CPAMD8: variants seen among roughly 807,000 people sequenced by gnomAD.
CPAMD8 encodes C3 and PZP-like alpha-2-macroglobulin domain-containing protein 8.
In CPAMD8, 146 loss-of-function variants were observed where a neutral mutation model predicts 224.7. The ratio of observed to expected loss-of-function variants is 0.65; its 90% CI spans 0.57 to 0.75. The LOEUF is 0.75. Ranked by LOEUF, CPAMD8 falls within the 30% of genes least tolerant of loss-of-function variation. The probability of loss-of-function intolerance (pLI) is 0.00; values close to 1 mark genes in which losing one functional copy is unlikely to be tolerated. For missense variants in CPAMD8, 2,301 were observed against 2,537.5 expected (o/e 0.91, Z 2.00); for synonymous variants, 966 against 1,044.6 (o/e 0.92, Z 1.45).
rs1447458586 is a variant in CPAMD8, at chr19:16,906,366, CTTTCTTTCTTT to C, written c.4027+575_4027+585del. On this transcript the variant is annotated intron_variant, in intron 30 of 41. Transcript: ENST00000443236. ...TCTTTCTTTCTTTCTTTCTTTCTTT[CTTTCTTTCTTT>C]CTTTCTTTCTTTCTTTCTTTCTTTC... Among the ~76,000 whole-genome samples the C allele has an allele frequency of 1.8e-3, 125 of 69,030 alleles. 1 individual carries two copies. The highest frequency in any genetic ancestry group is 6.8e-3 in the African/African-American group (118 of 17,344). 45.3% of individuals were successfully genotyped at this position (69,030 alleles called of 152,430 possible).
At chr19:16,980,279 G>C (rs115985135) in intron 14 of CPAMD8, among the ~76,000 whole-genome samples, 11 of 152,300 alleles carry the variant, frequency 7.2e-5, no homozygotes, top group South Asian at 6.2e-4. Flanking sequence ...TGCACACACA[G>C]AGTGAGAAGA....
intron 18 of CPAMD8, 117 bp downstream of exon 18, chr19:16,970,774 G>T: frequency 1.0e-6 from 1 of 956,508 alleles, no homozygotes; most frequent in Non-Finnish European, 1.6e-6. Context: ...AATTTCAGTT[G>T]TTTATAAGCC....
Position 16,896,497 on chromosome 19 carries a change from G to A in CPAMD8, c.5234C>T (p.Ala1745Val). ...CRLREAACRQ[A>V]APLEPAPPSC... ...GGGAGGCGCGGGCTCCAGGGGCGCG[G>A]CCTGGCGGCAGGCGGCCTCCCGCAG... The change falls in exon 40 of 42, where the codon GCC (alanine) becomes GTC (valine). Residue 1745 changes from alanine (A) to valine (V), a missense_variant. This residue lies in a region of CPAMD8 where 1,709 missense variants were observed against 1,753.2 expected (regional missense o/e 0.97). Transcript: ENST00000443236. 7.0e-7 allele frequency: 1 copy of A among 1,428,918 alleles called. No individual in the cohort carries two copies. The highest frequency in any genetic ancestry group is 9.1e-7 in the Non-Finnish European group (1 of 1,102,654). 88.5% of individuals were successfully genotyped at this position (1,428,918 alleles called of 1,614,324 possible).
At chr19:17,003,601 C>T (rs1443221453) in intron 8 of CPAMD8, among the ~76,000 whole-genome samples, 1 of 151,238 alleles carries the variant, frequency 6.6e-6, no homozygotes, top group African/African-American at 2.4e-5. Context: ...GGCAACATGA[C>T]GAAACCCTGT....
rs1214757739 is a variant in CPAMD8, at chr19:16,987,152, C to CAAAAAAAAAA, written c.1395+2481_1395+2490dup. Among the ~76,000 whole-genome samples the CAAAAAAAAAA allele has an allele frequency of 6.5e-4, 15 of 23,006 alleles. 1 individual carries two copies. The highest frequency in any genetic ancestry group is 1.0e-3 in the Non-Finnish European group (12 of 11,942). The allele number at this position is 23,006 out of a possible 152,430, so 15.1% of individuals were successfully genotyped here. ...CCAGCCTGGGAGACAGAGACTCTGTCAAAAAAAAAAAAAAAAAAAAAAAAA... is the reference window on the plus strand; with the variant it reads ...CCAGCCTGGGAGACAGAGACTCTGTCAAAAAAAAAAAAAAAAAAAAAAAAAAAAAAAAAAA... On this transcript the variant is annotated intron_variant, in intron 13 of 41. Coordinates refer to ENST00000443236, the MANE Select transcript of CPAMD8 (RefSeq NM_015692.5).
intron 20 of CPAMD8, among the ~76,000 whole-genome samples, chr19:16,950,648 C>T (rs183723433): frequency 9.2e-5 from 14 of 151,900 alleles, no homozygotes; most frequent in Admixed American, 7.9e-4. Context: ...AAATAATTAG[C>T]CAGGCATGGT....
intron 9 of CPAMD8, 36 bp from the exon 10 acceptor site, chr19:17,000,558 G>T: frequency 1.1e-6 from 1 of 939,476 alleles, no homozygotes; most frequent in Non-Finnish European, 1.8e-6. Context: ...CAATTTCACA[G>T]CCAAGATGGC....
intron 29 of CPAMD8, among the ~76,000 whole-genome samples, chr19:16,909,536 TC>T (rs907909924): frequency 1.7e-4 from 26 of 151,880 alleles, no homozygotes; most frequent in Admixed American, 1.4e-3. Flanking sequence ...AGAGCGAGAC[TC>T]CATCTCAAAA....
intron 22 of CPAMD8, among the ~76,000 whole-genome samples, chr19:16,943,309 C>A (rs1261510720): frequency 6.6e-6 from 1 of 152,192 alleles, no homozygotes; most frequent in Non-Finnish European, 1.5e-5. Context: ...AGCCACCGTG[C>A]CCGGCCTGTG....
chr19:16,976,791 C>T (rs1025722542), intron 15 of CPAMD8, among the ~76,000 whole-genome samples: 3 of 151,898 alleles, frequency 2.0e-5, no homozygotes, highest in South Asian at 2.1e-4. Flanking sequence ...CCTGTAATCC[C>T]AGCACTTCGG....
At chr19:17,010,892 A>T (rs1019511828) in intron 5 of CPAMD8, among the ~76,000 whole-genome samples, 2 of 151,946 alleles carry the variant, frequency 1.3e-5, no homozygotes, top group African/African-American at 2.4e-5. Flanking sequence ...GCATGGTGGC[A>T]CACACCTGTA....
intron 20 of CPAMD8, among the ~76,000 whole-genome samples, chr19:16,951,688 C>T (rs1049500124): frequency 1.3e-5 from 2 of 152,142 alleles, no homozygotes; most frequent in African/African-American, 4.8e-5. Flanking sequence ...CTCTCACTCA[C>T]ACACATGCGT....
At chr19:16,895,844 G>T (rs904192326) in intron 41 of CPAMD8, 5 of 502,742 alleles carry the variant, frequency 9.9e-6, no homozygotes, top group African/African-American at 7.8e-5. Context: ...AAACACTGCT[G>T]GTCCCCCCAG....
Position 16,989,766 on chromosome 19 carries a change from C to G in CPAMD8, c.1272G>C (p.Lys424Asn), listed in dbSNP as rs1467820450. The G allele has an allele frequency of 6.2e-6, 10 of 1,613,930 alleles. No individual in the cohort carries two copies. The highest frequency in any genetic ancestry group is 8.5e-6 in the Non-Finnish European group (10 of 1,179,906). The stretch of plus-strand genomic sequence containing the variant: ...CAGGCTTCCCGTTCAGTGCCATCAC[C>G]TTGGTCTGAGAAGAGAAGATGCTTA... ...TSAQHVWLET[K>N]VMALNGKPVG... The change falls in exon 13 of 42, where the codon AAG becomes AAC. Residue 424 changes from lysine to asparagine, a missense_variant. Coordinates refer to ENST00000443236, the MANE Select transcript of CPAMD8 (RefSeq NM_015692.5).
chr19:16,939,953 C>T (rs531103439), intron 22 of CPAMD8, among the ~76,000 whole-genome samples: 3 of 151,768 alleles, frequency 2.0e-5, no homozygotes, highest in African/African-American at 7.3e-5. Flanking sequence ...CACTCTGTTG[C>T]CCAGGCTGGA....
chr19:16,932,351 G>A (rs1365503972), intron 23 of CPAMD8, among the ~76,000 whole-genome samples: 1 of 151,934 alleles, frequency 6.6e-6, no homozygotes, highest in Non-Finnish European at 1.5e-5. Flanking sequence ...GGCCCAAGAG[G>A]TCAAGGCTGC....
chr19:16,915,835 T>A (rs1039831517), intron 27 of CPAMD8, among the ~76,000 whole-genome samples: 2 of 150,822 alleles, frequency 1.3e-5, no homozygotes. Context: ...CTGCCTTCCT[T>A]CCTTCCTTCC....
At chr19:16,982,831 C>T (rs1261811372) in intron 13 of CPAMD8, among the ~76,000 whole-genome samples, 1 of 152,146 alleles carries the variant, frequency 6.6e-6, no homozygotes, top group Non-Finnish European at 1.5e-5. Flanking sequence ...TATGGTTTGG[C>T]TGTGTCCCCA....
chr19:17,004,199 C>G, intron 8 of CPAMD8, 74 bp downstream of exon 8: 1 of 1,046,122 alleles, frequency 9.6e-7, no homozygotes, highest in Non-Finnish European at 1.5e-6. Context: ...AGCCCTTGCA[C>G]CCGGCCTTCT....
Sources: gnomAD v4.1 joint callset for allele counts (sites outside exome capture counted in the v4.1 genomes callset) on GRCh38, gnomAD v4.1.1 for gene constraint, gnomAD v4.1.1 regional missense constraint, MANE v1.5 for transcripts, NCBI Gene and HGNC (gene_info 2026-07-23, HGNC 2026-07-21) for gene names.